Variants in MAP4 observed in about 807,000 individuals in gnomAD.
MAP4 encodes microtubule associated protein 4, also known as microtubule-associated protein 4.
Under a neutral mutation model 170.2 loss-of-function variants are expected in MAP4, and 76 were observed. The observed-to-expected ratio is 0.45, with a 90% CI of 0.37 to 0.54. The LOEUF (loss-of-function observed/expected upper bound fraction) is 0.54. Among genes scored for constraint, MAP4 ranks in the 20% least tolerant of loss-of-function variants. The pLI is 0.00. For synonymous variants in MAP4, 909 were observed against 994.5 expected (o/e 0.91, Z 1.62); for missense variants, 2,506 against 2,748.0 (o/e 0.91, Z 1.97).
intron 3 of MAP4, among the ~76,000 whole-genome samples, chr3:47,943,684 A>G (rs1250029678): frequency 6.6e-6 from 1 of 151,996 alleles, no homozygotes; most frequent in Non-Finnish European, 1.5e-5. Flanking sequence ...TGACATCCCT[A>G]CAATGGTTGG....
At chr3:48,045,784 G>A (rs575706994) in intron 1 of MAP4, among the ~76,000 whole-genome samples, 5 of 152,214 alleles carry the variant, frequency 3.3e-5, no homozygotes, top group East Asian at 1.9e-4. Context: ...CTTGTGATCC[G>A]CCTGCCTCGG....
intron 2 of MAP4, among the ~76,000 whole-genome samples, chr3:47,993,007 T>C (rs1266715984): frequency 6.6e-6 from 1 of 151,820 alleles, no homozygotes; most frequent in African/African-American, 2.4e-5. Flanking sequence ...AAAGAGCCCC[T>C]AATAAAGCAA....
At chr3:47,976,248 C>G (rs1198690889) in intron 3 of MAP4, among the ~76,000 whole-genome samples, 3 of 152,144 alleles carry the variant, frequency 2.0e-5, no homozygotes, top group African/African-American at 7.2e-5. Flanking sequence ...TTTTTTGTCA[C>G]AAGGGAATCC....
At chr3:47,928,597 G>A (rs1007159337) in intron 3 of MAP4, among the ~76,000 whole-genome samples, 9 of 152,048 alleles carry the variant, frequency 5.9e-5, no homozygotes, top group African/African-American at 2.2e-4. Flanking sequence ...AGGCTGTAGT[G>A]CACTATGATC....
At chr3:48,081,123 C>G (rs902415159) in intron 1 of MAP4, among the ~76,000 whole-genome samples, 2 of 151,264 alleles carry the variant, frequency 1.3e-5, no homozygotes, top group East Asian at 3.9e-4. Flanking sequence ...GACTCCATCT[C>G]AAAAAACAGA....
intron 11 of MAP4, 41 bp downstream of exon 11, chr3:47,877,376 A>C (rs2095656767): frequency 6.8e-7 from 1 of 1,470,412 alleles, no homozygotes; most frequent in African/African-American, 1.4e-5. Context: ...CTCCGTTTAA[A>C]AATTATGGCA....
chr3:48,009,194 G>A (rs1025843846), intron 1 of MAP4, among the ~76,000 whole-genome samples: 23 of 152,024 alleles, frequency 1.5e-4, no homozygotes, highest in African/African-American at 5.3e-4. Context: ...TCCGCCTCCC[G>A]GGTTCAAGTG....
intron 1 of MAP4, among the ~76,000 whole-genome samples, chr3:48,072,214 A>G (rs1381510557): frequency 6.6e-6 from 1 of 151,810 alleles, no homozygotes. Context: ...TACTACTACT[A>G]ATAATAAATT....
At position 47,967,139 on chromosome 3, in the gene MAP4, C is replaced by T. The variant is rs189751682; in HGVS notation, c.292+10726G>A. ...ATGACCTGAGGTCAGGAGTTTGAGA[C>T]CAGCCTGACCAACATGGAGAAACCC... On this transcript the variant is annotated intron_variant, in intron 3 of 20. Transcript: ENST00000683076. Among the ~76,000 whole-genome samples, 35 of 152,016 alleles carry T rather than the reference C, an allele frequency of 2.3e-4. No homozygotes were observed. The East Asian group carries it at 5.8e-3, about 25-fold the overall frequency.
In MAP4 at chr3:47,911,203, G is replaced by T; in HGVS notation, c.3218C>A (p.Thr1073Lys). 1 of 1,536,068 alleles carries T rather than the reference G, an allele frequency of 6.5e-7. No homozygotes were observed. Among genetic ancestry groups the T allele is most frequent in the Non-Finnish European group, 8.7e-7 (1 of 1,146,900 alleles). Residue 1073 changes from threonine (T) to lysine (K), a missense_variant, in exon 9 of 21, where the codon ACA (threonine) becomes AAA (lysine). Coordinates refer to ENST00000683076, the MANE Select transcript of MAP4 (RefSeq NM_001385682.1). The surrounding 1 kb of genome is among the most constrained non-coding windows in gnomAD (Gnocchi z 4.0). Reference sequence around the variant, plus strand: ...TTTTGCTTTTACCTTCCCAGAATCTGTTCTCATTTTCCCAGAACTTCCCCT... The same window carrying T: ...TTTTGCTTTTACCTTCCCAGAATCTTTTCTCATTTTCCCAGAACTTCCCCT... ...KGRGSSGKMR[T>K]DSGKVKAKSE...
chr3:47,949,189 G>A (rs1442761485), intron 3 of MAP4, among the ~76,000 whole-genome samples: 1 of 152,074 alleles, frequency 6.6e-6, no homozygotes, highest in Non-Finnish European at 1.5e-5. Context: ...CACCCAGCTG[G>A]GCACGGTGGC....
Position 47,911,815 on chromosome 3 carries a change from A to AT in MAP4, c.2605dup (p.Ile869AsnfsTer6). On this transcript the variant is annotated frameshift_variant, in exon 9 of 21. Transcript: ENST00000683076. LOFTEE classifies it high-confidence loss of function. This position sits in a 1 kb window ranked among gnomAD's most constrained non-coding sequence, Gnocchi z 4.0. The stretch of plus-strand genomic sequence containing the variant: ...TACTCTCAGCTTAGACTGAGAACTT[A>AT]TTGCAGTTTTGGGGGCTTCTTCAGA... 1 of 1,536,050 alleles carries AT rather than the reference A, an allele frequency of 6.5e-7. No homozygotes were observed. The highest frequency in any genetic ancestry group is 8.7e-7 in the Non-Finnish European group (1 of 1,146,894).
At chr3:47,976,207 G>A (rs1363646858) in intron 3 of MAP4, among the ~76,000 whole-genome samples, 1 of 152,200 alleles carries the variant, frequency 6.6e-6, no homozygotes, top group Non-Finnish European at 1.5e-5. Context: ...CTCTCATAAT[G>A]CCACTGGGTA....
intron 3 of MAP4, among the ~76,000 whole-genome samples, chr3:47,936,457 G>A (rs748217142): frequency 6.6e-6 from 1 of 151,376 alleles, no homozygotes; most frequent in Non-Finnish European, 1.5e-5. Context: ...AAAAAAGGGG[G>A]AGGAGAAAGG....
Position 47,967,849 on chromosome 3 carries a change from G to A in MAP4, c.292+10016C>T, listed in dbSNP as rs9834364. ...ATGGTGGTGTGCACCTGTAGTCCTA[G>A]CTACTTGGGAAACTGAGGCGGGAGG... On this transcript the variant is annotated intron_variant, in intron 3 of 20. Transcript: ENST00000683076. Among the ~76,000 whole-genome samples the A allele has an allele frequency of 2.3e-3, 343 of 152,202 alleles. 1 individual carries two copies. The highest frequency in any genetic ancestry group is 7.8e-3 in the African/African-American group (322 of 41,544).
intron 1 of MAP4, among the ~76,000 whole-genome samples, chr3:48,053,018 GA>G (rs1320624887): frequency 1.3e-5 from 2 of 152,020 alleles, no homozygotes; most frequent in Non-Finnish European, 2.9e-5. Context: ...TAAAGAAACA[GA>G]AACTAAAACA....
At chr3:47,978,431 C>A (rs2100083447) in intron 2 of MAP4, among the ~76,000 whole-genome samples, 1 of 152,114 alleles carries the variant, frequency 6.6e-6, no homozygotes, top group Non-Finnish European at 1.5e-5. Context: ...GATTCTCCTG[C>A]CTCAGCCTCC....
At chr3:48,055,708 T>C (rs2100130759) in intron 1 of MAP4, among the ~76,000 whole-genome samples, 1 of 75,236 alleles carries the variant, frequency 1.3e-5, no homozygotes, top group Non-Finnish European at 2.7e-5. Context: ...CTGCCCAGTC[T>C]GGAAAGTGAG....
chr3:47,858,586 G>GGTGTGTGTGTGTGT (rs59208724), intron 17 of MAP4, among the ~76,000 whole-genome samples: 155 of 145,274 alleles, frequency 1.1e-3, no homozygotes, highest in African/African-American at 3.7e-3. Flanking sequence ...GTGAGGGGGT[G>GGTGTGTGTGTGTGT]GTGTGTGTGT....
Sources: gnomAD v4.1 joint callset for allele counts (sites outside exome capture counted in the v4.1 genomes callset) on GRCh38, gnomAD v4.1.1 for gene constraint, Gnocchi (gnomAD v3.1) non-coding constraint, MANE v1.5 for transcripts, NCBI Gene and HGNC (gene_info 2026-07-23, HGNC 2026-07-21) for gene names.